The following PLOD2 variants were observed in gnomAD, a reference collection of about 807,000 sequenced individuals.
PLOD2 encodes the protein lysine hydroxylase 2.
In PLOD2, 65 loss-of-function variants were observed where a neutral mutation model predicts 101.0. The observed-to-expected ratio is 0.64, with a 90% CI of 0.53 to 0.79. The LOEUF is 0.79. Among genes scored for constraint, PLOD2 ranks in the 30% least tolerant of loss-of-function variants. The pLI, the probability that PLOD2 is intolerant of heterozygous loss-of-function variation, is 0.00. For missense variants in PLOD2, 909 were observed against 914.6 expected (o/e 0.99, Z 0.08); for synonymous variants, 314 against 302.9 (o/e 1.04, Z -0.38).
intron 1 of PLOD2, among the ~76,000 whole-genome samples, chr3:146,150,465 T>C (rs780396682): frequency 6.6e-6 from 1 of 151,934 alleles, no homozygotes; most frequent in Non-Finnish European, 1.5e-5. Flanking sequence ...CTTAGCAAAC[T>C]AACACAGGAA....
At chr3:146,079,936 T>C (rs76209061) in intron 12 of PLOD2, among the ~76,000 whole-genome samples, 2,589 of 152,088 alleles carry the variant, frequency 0.017, 33 homozygotes, top group Non-Finnish European at 0.029. Flanking sequence ...CACATGAACG[T>C]TGCATCCTTT....
At chr3:146,072,202 TCAC>T (rs1253139385) in intron 17 of PLOD2, among the ~76,000 whole-genome samples, 1 of 151,724 alleles carries the variant, frequency 6.6e-6, no homozygotes, top group African/African-American at 2.4e-5. Flanking sequence ...CTTAGAATTT[TCAC>T]CACAGCTCAC....
chr3:146,106,312 C>T (rs1248472921), intron 5 of PLOD2, among the ~76,000 whole-genome samples: 9 of 152,298 alleles, frequency 5.9e-5, no homozygotes, highest in Non-Finnish European at 2.9e-5. Flanking sequence ...AACTTGGCCA[C>T]AAAAGAGAAG....
intron 3 of PLOD2, among the ~76,000 whole-genome samples, chr3:146,113,986 G>A (rs1309474605): frequency 1.3e-5 from 2 of 152,066 alleles, no homozygotes; most frequent in Admixed American, 1.3e-4. Context: ...TAAAATGGCC[G>A]CTCTAGGAAT....
At chr3:146,129,171 C>G (rs1038536474) in intron 1 of PLOD2, among the ~76,000 whole-genome samples, 1 of 152,026 alleles carries the variant, frequency 6.6e-6, no homozygotes, top group Non-Finnish European at 1.5e-5. Context: ...CAACTTTCTA[C>G]TAAAGAAAAA....
At chr3:146,108,241 T>C (rs1283133099) in intron 4 of PLOD2, among the ~76,000 whole-genome samples, 1 of 152,130 alleles carries the variant, frequency 6.6e-6, no homozygotes, top group East Asian at 1.9e-4. Context: ...AGTGCAATGG[T>C]GCACTCATGG....
At position 146,106,149 on chromosome 3, in the gene PLOD2, T is replaced by C. The variant is rs564393926; in HGVS notation, c.615+383A>G. Among the ~76,000 whole-genome samples the C allele has an allele frequency of 9.2e-5, 14 of 152,320 alleles. No individual in the cohort carries two copies. The South Asian group carries it at 1.4e-3, about 16-fold the overall frequency. On this transcript the variant is annotated intron_variant, in intron 5 of 19. Coordinates refer to ENST00000282903, the MANE Select transcript of PLOD2 (RefSeq NM_182943.3). ...GTTATTTTAAGGCAGCCTAAGTGAG[T>C]ATGCAGTGGAGGTAGGGCCATGACA...
At chr3:146,115,238 T>C (rs1462785095) in intron 3 of PLOD2, among the ~76,000 whole-genome samples, 3 of 152,080 alleles carry the variant, frequency 2.0e-5, no homozygotes, top group Non-Finnish European at 2.9e-5. Context: ...CTCACAGAAA[T>C]TGAGTCGATC....
intron 7 of PLOD2, among the ~76,000 whole-genome samples, chr3:146,097,540 A>G (rs2108044012): frequency 9.1e-6 from 1 of 109,940 alleles, no homozygotes; most frequent in East Asian, 2.5e-4. Flanking sequence ...GTGTCCACTC[A>G]GGGTTAAATG....
intron 1 of PLOD2, among the ~76,000 whole-genome samples, chr3:146,143,072 T>G (rs1170678337): frequency 1.3e-5 from 2 of 152,106 alleles, no homozygotes; most frequent in African/African-American, 4.8e-5. Context: ...CACTGCTCAG[T>G]GCATCACAGC....
At chr3:146,082,765 C>T (rs143258195) in intron 11 of PLOD2, among the ~76,000 whole-genome samples, 10 of 152,084 alleles carry the variant, frequency 6.6e-5, no homozygotes, top group East Asian at 3.9e-4. Flanking sequence ...CATGGTGGCA[C>T]GCACCTATAA....
chr3:146,083,281 G>T (rs1936626615), intron 11 of PLOD2, among the ~76,000 whole-genome samples: 1 of 152,108 alleles, frequency 6.6e-6, no homozygotes. Context: ...TAGAGCAAGG[G>T]AGCAAATAGA....
intron 1 of PLOD2, 59 bp downstream of exon 1, chr3:146,160,822 T>G: frequency 9.1e-7 from 1 of 1,093,086 alleles, no homozygotes; most frequent in Non-Finnish European, 1.4e-6. Flanking sequence ...GGTGGATGAA[T>G]GAACTGCCCC....
At chr3:146,077,824 A>G in intron 14 of PLOD2, 38 bp downstream of exon 14, 1 of 1,260,902 alleles carries the variant, frequency 7.9e-7, no homozygotes, top group Non-Finnish European at 1.1e-6. Flanking sequence ...ATCAAATATT[A>G]AATAAACAAA....
intron 1 of PLOD2, among the ~76,000 whole-genome samples, chr3:146,159,165 G>A (rs1282041330): frequency 3.3e-5 from 5 of 152,028 alleles, no homozygotes; most frequent in East Asian, 1.9e-4. Context: ...CCCACATTTC[G>A]ACCCTAACCG....
At chr3:146,088,369 C>A (rs1936857368) in intron 9 of PLOD2, among the ~76,000 whole-genome samples, 1 of 151,536 alleles carries the variant, frequency 6.6e-6, no homozygotes, top group South Asian at 2.1e-4. Context: ...CATTTTTGAT[C>A]TACAGAAACT....
intron 1 of PLOD2, among the ~76,000 whole-genome samples, chr3:146,151,532 C>A (rs1181165240): frequency 2.6e-5 from 4 of 151,840 alleles, no homozygotes; most frequent in Admixed American, 1.3e-4. Context: ...CAAATCACAG[C>A]ACTGTAAGGA....
intron 2 of PLOD2, chr3:146,123,434 T>C (rs2030319530): frequency 5.2e-6 from 1 of 191,430 alleles, no homozygotes; most frequent in African/African-American, 2.4e-5. Context: ...AATGAGATGT[T>C]CACCTGGAGA....
chr3:146,160,732 A>T, intron 1 of PLOD2, 149 bp downstream of exon 1: 1 of 613,622 alleles, frequency 1.6e-6, no homozygotes, highest in Non-Finnish European at 2.9e-6. Flanking sequence ...GCCCGACCGC[A>T]ATTCTGGGGA....
Sources: allele counts gnomAD v4.1 joint callset (sites outside exome capture counted in the v4.1 genomes callset), GRCh38; gene constraint gnomAD v4.1.1; transcripts MANE v1.5; gene names NCBI Gene and HGNC (gene_info 2026-07-23, HGNC 2026-07-21).